Variants in MAP7 observed in about 807,000 individuals in gnomAD.
MAP7 encodes the protein ensconsin.
A neutral mutation model predicts 94.8 loss-of-function variants in MAP7; 52 were observed. The ratio of observed to expected loss-of-function variants is 0.55; its 90% confidence interval spans 0.44 to 0.69. The LOEUF (loss-of-function observed/expected upper bound fraction) is 0.69. Ranked by LOEUF, MAP7 falls within the 30% of genes least tolerant of loss-of-function variation. MAP7 has a pLI of 0.00. For missense variants in MAP7, 940 were observed against 964.6 expected, an observed-to-expected ratio of 0.97 and a Z score of 0.34; for synonymous variants, 350 against 357.0, an observed-to-expected ratio of 0.98 and a Z score of 0.22.
At chr6:136,390,628 T>G (rs1484086134) in intron 3 of MAP7, among the ~76,000 whole-genome samples, 1 of 152,034 alleles carries the variant, frequency 6.6e-6, no homozygotes, top group African/African-American at 2.4e-5. Flanking sequence ...ACTCCAGCCT[T>G]GGACGACAGA....
At chr6:136,456,822 G>GAAGAAGAAGAAGAAGAAGAAGAAGAA (rs1554259490) in intron 1 of MAP7, among the ~76,000 whole-genome samples, 8 of 69,032 alleles carry the variant, frequency 1.2e-4, no homozygotes, top group Admixed American at 3.6e-4. Flanking sequence ...AGAAGAAGAA[G>GAAGAAGAAGAAGAAGAAGAAGAAGAA]GAAGAAGAAG....
intron 1 of MAP7, among the ~76,000 whole-genome samples, chr6:136,533,000 C>T (rs1463632005): frequency 2.0e-5 from 3 of 152,228 alleles, no homozygotes; most frequent in Non-Finnish European, 4.4e-5. Flanking sequence ...TGAAAACCTA[C>T]TGATATACAT....
At chr6:136,396,689 T>C (rs561808742) in intron 3 of MAP7, among the ~76,000 whole-genome samples, 1 of 152,324 alleles carries the variant, frequency 6.6e-6, no homozygotes, top group African/African-American at 2.4e-5. Context: ...CACCCATAAC[T>C]GTTTGGTCCT....
intron 5 of MAP7, among the ~76,000 whole-genome samples, chr6:136,385,939 T>C (rs977256474): frequency 6.6e-6 from 1 of 151,988 alleles, no homozygotes; most frequent in Non-Finnish European, 1.5e-5. Flanking sequence ...GCCGGCTAGT[T>C]TTTGTATTTT....
At chr6:136,417,442 G>C (rs1490363344) in intron 2 of MAP7, among the ~76,000 whole-genome samples, 1 of 152,128 alleles carries the variant, frequency 6.6e-6, no homozygotes, top group African/African-American at 2.4e-5. Context: ...AAGTTGACAA[G>C]GCTTTTTCAA....
chr6:136,506,113 C>T (rs1456030504), intron 1 of MAP7, among the ~76,000 whole-genome samples: 2 of 152,012 alleles, frequency 1.3e-5, no homozygotes, highest in Admixed American at 6.6e-5. Context: ...TGAGTAAATG[C>T]CAATTTATGT....
intron 3 of MAP7, among the ~76,000 whole-genome samples, chr6:136,391,414 G>A (rs55790219): frequency 7.7e-6 from 1 of 129,496 alleles, no homozygotes; most frequent in Non-Finnish European, 1.6e-5. Context: ...GGTCGGGGGA[G>A]GGGGGAGGGA....
intron 16 of MAP7, among the ~76,000 whole-genome samples, chr6:136,350,588 G>T (rs896785443): frequency 6.6e-6 from 1 of 152,240 alleles, no homozygotes; most frequent in Non-Finnish European, 1.5e-5. Context: ...ACTCACGCCT[G>T]TAATCCCAAC....
chr6:136,360,936 C>A, intron 12 of MAP7, 69 bp downstream of exon 12: 9 of 1,546,744 alleles, frequency 5.8e-6, no homozygotes, highest in Non-Finnish European at 7.8e-6. Flanking sequence ...CAGTCCGCAC[C>A]CTCCTCTGCT....
chr6:136,364,915 G>A (rs988442388), intron 10 of MAP7: 4 of 152,358 alleles, frequency 2.6e-5, no homozygotes, highest in African/African-American at 9.6e-5. Flanking sequence ...CCAAATTCCT[G>A]ACCCAAGAAT....
chr6:136,467,356 G>A (rs1474073924), intron 1 of MAP7, among the ~76,000 whole-genome samples: 1 of 152,160 alleles, frequency 6.6e-6, no homozygotes, highest in Non-Finnish European at 1.5e-5. Context: ...CAGTCAGGCA[G>A]AGTGGCCTCT....
At chr6:136,374,036 G>A (rs993092898) in intron 7 of MAP7, among the ~76,000 whole-genome samples, 22 of 152,250 alleles carry the variant, frequency 1.4e-4, no homozygotes, top group South Asian at 4.2e-4. Flanking sequence ...ATCTCATCTC[G>A]GCTCACTGCA....
chr6:136,523,375 G>T (rs906284079), intron 1 of MAP7, among the ~76,000 whole-genome samples: 1 of 152,186 alleles, frequency 6.6e-6, no homozygotes, highest in African/African-American at 2.4e-5. Flanking sequence ...CCAATAAGGT[G>T]GTCACATGTG....
chr6:136,400,870 T>A lies in MAP7; in HGVS notation c.244+10750A>T, dbSNP rs192241973. Among the ~76,000 whole-genome samples, 303 of 152,352 alleles carry A rather than the reference T, an allele frequency of 2.0e-3. 1 individual carries two copies. Among genetic ancestry groups the A allele is most frequent in the African/African-American group, 6.8e-3 (281 of 41,594 alleles). ...CAGATCCATCATATAATCTTATTCATTATCTGCACATTCTTCCCTGCTCCA... is the reference window on the plus strand; with the variant it reads ...CAGATCCATCATATAATCTTATTCAATATCTGCACATTCTTCCCTGCTCCA... On this transcript the variant is annotated intron_variant, in intron 3 of 17. Coordinates refer to ENST00000354570, the MANE Select transcript of MAP7 (RefSeq NM_003980.6).
At chr6:136,413,823 G>C (rs1788303391) in intron 2 of MAP7, among the ~76,000 whole-genome samples, 2 of 151,950 alleles carry the variant, frequency 1.3e-5, no homozygotes, top group South Asian at 2.1e-4. Flanking sequence ...TGTTGCCCAG[G>C]CTGCCATATG....
At chr6:136,467,768 G>A (rs1434625134) in intron 1 of MAP7, among the ~76,000 whole-genome samples, 1 of 152,036 alleles carries the variant, frequency 6.6e-6, no homozygotes, top group Non-Finnish European at 1.5e-5. Flanking sequence ...TGTGACTTGG[G>A]GGCCAGAACA....
chr6:136,419,109 A>T (rs1790441883), intron 2 of MAP7, among the ~76,000 whole-genome samples: 2 of 152,206 alleles, frequency 1.3e-5, no homozygotes, highest in African/African-American at 4.8e-5. Flanking sequence ...TGATCTCTAT[A>T]CACTGTGTGC....
chr6:136,416,370 T>C (rs1305100967), intron 2 of MAP7, among the ~76,000 whole-genome samples: 1 of 152,186 alleles, frequency 6.6e-6, no homozygotes, highest in Non-Finnish European at 1.5e-5. Flanking sequence ...AAATTTATCT[T>C]TAAAGGTAGG....
chr6:136,427,928 T>C (rs3778303), intron 1 of MAP7, among the ~76,000 whole-genome samples: 126,320 of 152,150 alleles, frequency 0.83, 52,525 homozygotes, highest in Middle Eastern at 0.86. Context: ...TGTATGACCA[T>C]GATAGAAAAT....
Sources: allele counts gnomAD v4.1 joint callset (sites outside exome capture counted in the v4.1 genomes callset), GRCh38; gene constraint gnomAD v4.1.1; transcripts MANE v1.5; gene names NCBI Gene and HGNC (gene_info 2026-07-23, HGNC 2026-07-21).